WBP1: variants seen among roughly 807,000 people sequenced by gnomAD.
The protein encoded by WBP1 is WW domain-binding protein 1.
In WBP1, 18 loss-of-function variants were observed where a neutral mutation model predicts 25.6. The ratio of observed to expected loss-of-function variants is 0.70; its 90% CI spans 0.49 to 1.04. WBP1 has a LOEUF of 1.04. WBP1 is among the 50% of genes least tolerant of loss of function. The pLI, the probability that WBP1 is intolerant of heterozygous loss-of-function variation, is 0.00. For missense variants in WBP1, 330 were observed against 352.9 expected, an observed-to-expected ratio of 0.94 and a Z score of 0.52; for synonymous variants, 122 against 137.7, an observed-to-expected ratio of 0.89 and a Z score of 0.80.
rs1366348102 is a variant in WBP1, at chr2:74,460,293, A to T, written c.422A>T (p.Tyr141Phe). ...VHRPGTPPPP[Y>F]TVAPGRPLTA... ...CGCCCAGGCACACCACCCCCCCCTT[A>T]TACTGTGGCCCCAGGCCGCCCCTTG... Residue 141 changes from tyrosine (Y) to phenylalanine (F), a missense_variant, in exon 4 of 4, where the codon TAT becomes TTT. By Grantham distance (22) the Tyr-to-Phe change is conservative. Transcript: ENST00000233615. 6.2e-7 allele frequency: 1 copy of T among 1,608,364 alleles called. No homozygotes were observed. Among genetic ancestry groups the T allele is most frequent in the Admixed American group, 1.7e-5 (1 of 59,750 alleles).
At chr2:74,460,142 A>C in intron 3 of WBP1, 79 bp from the exon 4 acceptor site, 1 of 1,575,930 alleles carries the variant, frequency 6.3e-7, no homozygotes, top group South Asian at 1.1e-5. Flanking sequence ...CACATTTCAA[A>C]GTATTTTTCC....
At chr2:74,459,621 C>A (rs201613495) in intron 1 of WBP1, 22 bp from the exon 2 acceptor site, 1 of 1,612,138 alleles carries the variant, frequency 6.2e-7, no homozygotes, top group East Asian at 2.2e-5. Context: ...CCCCTTAGTT[C>A]TAAGTGCCTC....
rs61733470 is a variant in WBP1 at position 74,460,654 on chromosome 2, G to A, written c.783G>A (p.Leu261=). The change falls in exon 4 of 4, where the codon CTG becomes CTA. Residue 261 remains leucine, a synonymous_variant. Coordinates refer to ENST00000233615, the MANE Select transcript of WBP1 (RefSeq NM_012477.4). ...TACCGCAGATCTTTCCCATGGGGCT[G>A]TCTTCCAGTGAAGGGGACATCCCAT... ...ESVPQIFPMG[L]SSSEGDIP The A allele has an allele frequency of 0.051, 80,769 of 1,581,134 alleles. 2,401 individuals are homozygous for A. Among genetic ancestry groups the A allele is most frequent in the South Asian group, 0.078 (6,813 of 86,894 alleles).
At chr2:74,459,207 G>T (rs754861022) in intron 1 of WBP1, 3 of 1,427,680 alleles carry the variant, frequency 2.1e-6, no homozygotes, top group Non-Finnish European at 2.8e-6. Flanking sequence ...AACCGCGCAG[G>T]ATAATGAAAG....
At position 74,458,680 on chromosome 2, in the gene WBP1, A is replaced by G. The variant is rs763715949; in HGVS notation, c.69+9A>G. ...GGGCGCCGCAACAGCAGGTATCCCAATAGCTCCAAAACCTATCACGACAGC... is the reference window on the plus strand; with the variant it reads ...GGGCGCCGCAACAGCAGGTATCCCAGTAGCTCCAAAACCTATCACGACAGC... On this transcript the variant is annotated intron_variant, in intron 1 of 3. Coordinates refer to ENST00000233615, the MANE Select transcript of WBP1 (RefSeq NM_012477.4). 2.0e-5 allele frequency: 32 copies of G among 1,571,654 alleles called. No individual in the cohort carries two copies. In the South Asian group the frequency reaches 2.6e-4, roughly 13 times the overall value.
chr2:74,458,767 G>A (rs983967193), intron 1 of WBP1, 96 bp downstream of exon 1: 2 of 1,520,088 alleles, frequency 1.3e-6, no homozygotes, highest in Admixed American at 2.0e-5. Context: ...AACTCACGGA[G>A]CCAAAGGTAC....
Position 74,460,272 on chromosome 2 carries a change from C to A in WBP1, c.401C>A (p.Pro134Gln), listed in dbSNP as rs1451494095. The change falls in exon 4 of 4, where the codon CCA becomes CAA. Residue 134 changes from proline (P) to glutamine (Q), a missense_variant. Physicochemically the swap from Pro to Gln is moderately conservative, Grantham distance 76 (BLOSUM62 -1). Coordinates refer to ENST00000233615, the MANE Select transcript of WBP1 (RefSeq NM_012477.4). ...PPAYEDVVHRPGTPPPPYTVA... is the reference protein window; with the variant it reads ...PPAYEDVVHRQGTPPPPYTVA... ...GCCTACGAGGATGTGGTTCACCGCC[C>A]AGGCACACCACCCCCCCCTTATACT... The A allele has an allele frequency of 6.2e-7, 1 of 1,613,960 alleles. No homozygotes were observed. Among genetic ancestry groups the A allele is most frequent in the East Asian group, 2.2e-5 (1 of 44,884 alleles).
At chr2:74,458,742 T>G in intron 1 of WBP1, 71 bp downstream of exon 1, 3 of 1,525,336 alleles carry the variant, frequency 2.0e-6, no homozygotes, top group African/African-American at 1.4e-5. Flanking sequence ...CCCTTCCTTT[T>G]GGGGGTGGGG....
rs1228774474 is a variant in WBP1, at chr2:74,460,636, G to C, written c.765G>C (p.Gln255His). ...PCALPPESVP[Q>H]IFPMGLSSSE... ...CACTACCCCCAGAGTCTGTACCGCA[G>C]ATCTTTCCCATGGGGCTGTCTTCCA... is the stretch of plus-strand genomic sequence containing the variant. Residue 255 changes from glutamine (Q) to histidine (H), a missense_variant, in exon 4 of 4, where the codon CAG becomes CAC. By Grantham distance (24) the Gln-to-His change is conservative. Transcript: ENST00000233615. 7 of 1,597,164 alleles carry C rather than the reference G, an allele frequency of 4.4e-6. No homozygotes were observed. The highest frequency in any genetic ancestry group is 2.2e-5 in the East Asian group (1 of 44,650).
chr2:74,458,607 C>T lies in WBP1; in HGVS notation c.5C>T (p.Ala2Val), dbSNP rs1272228282. ...CAGGGGGCTGTAGGTGGAGGTATGG[C>T]TCGGGCCAGCAGCGGGAACGGCAGC... M[A>V]RASSGNGSEE... Residue 2 changes from alanine (A) to valine (V), a missense_variant, in exon 1 of 4, where the codon GCT becomes GTT. Coordinates refer to ENST00000233615, the MANE Select transcript of WBP1 (RefSeq NM_012477.4). 1.3e-6 allele frequency: 2 copies of T among 1,558,730 alleles called. No individual in the cohort carries two copies. The highest frequency in any genetic ancestry group is 1.7e-6 in the Non-Finnish European group (2 of 1,150,358).
Position 74,460,483 on chromosome 2 carries a change from C to A in WBP1, c.612C>A (p.Arg204=). ...VTPASTPPSC[R]YRRLTGDSGI... is the part of the protein sequence containing the mutation. ...CTGCCTCCACACCCCCCTCCTGCCG[C>A]TATCGCCGTTTAACTGGCGACTCCG... Residue 204 remains arginine, a synonymous_variant, in exon 4 of 4, where the codon CGC becomes CGA. Transcript: ENST00000233615. The A allele has an allele frequency of 1.2e-6, 2 of 1,613,624 alleles. No homozygotes were observed. Among genetic ancestry groups the A allele is most frequent in the South Asian group, 1.1e-5 (1 of 91,062 alleles).
chr2:74,459,919 C>G lies in WBP1; in HGVS notation c.219C>G (p.Cys73Trp), dbSNP rs7420093. ...TCCTCATCCTCTTTAGCTGCTGTTGCGCCTTCCGCCACCGACGAGCTAAAC... is the reference window on the plus strand; with the variant it reads ...TCCTCATCCTCTTTAGCTGCTGTTGGGCCTTCCGCCACCGACGAGCTAAAC... The part of the protein sequence containing the change: ...WTVLILFSCC[C>W]AFRHRRAKLR... Residue 73 changes from cysteine (C) to tryptophan (W), a missense_variant, in exon 3 of 4, where the codon TGC (cysteine) becomes TGG (tryptophan). Physicochemically the swap from Cys to Trp is radical, Grantham distance 215 (BLOSUM62 -2). Coordinates refer to ENST00000233615, the MANE Select transcript of WBP1 (RefSeq NM_012477.4). The G allele has an allele frequency of 6.2e-7, 1 of 1,614,164 alleles. No individual in the cohort carries two copies. Among genetic ancestry groups the G allele is most frequent in the Non-Finnish European group, 8.5e-7 (1 of 1,180,026 alleles).
intron 1 of WBP1, chr2:74,459,378 C>T (rs1671820410): frequency 1.3e-5 from 8 of 634,388 alleles, no homozygotes; most frequent in Middle Eastern, 5.1e-4. Context: ...AAGGAAGTCT[C>T]ATATATGCAG....
At position 74,460,334 on chromosome 2, in the gene WBP1, C is replaced by A. The variant is rs1220768826; in HGVS notation, c.463C>A (p.Gln155Lys). ...PGRPLTASSE[Q>K]TCCSSSSSCP... ...CCGCCCCTTGACTGCTTCCAGTGAA[C>A]AAACCTGCTGTTCCTCCTCATCCAG... The change falls in exon 4 of 4, where the codon CAA (glutamine) becomes AAA (lysine). Residue 155 changes from glutamine to lysine, a missense_variant. Gln to Lys is a moderately conservative substitution (Grantham distance 53). Transcript: ENST00000233615. 4 of 1,613,808 alleles carry A rather than the reference C, an allele frequency of 2.5e-6. No individual in the cohort carries two copies. Among genetic ancestry groups the A allele is most frequent in the African/African-American group, 1.3e-5 (1 of 74,792 alleles).
intron 3 of WBP1, 31 bp from the exon 4 acceptor site, chr2:74,460,190 C>A: frequency 6.3e-7 from 1 of 1,590,152 alleles, no homozygotes; most frequent in Non-Finnish European, 8.6e-7. Context: ...TGGTTGTCTT[C>A]AACCAATCAT....
At chr2:74,458,838 C>G in intron 1 of WBP1, 167 bp downstream of exon 1, 1 of 1,540,116 alleles carries the variant, frequency 6.5e-7, no homozygotes, top group South Asian at 1.2e-5. Context: ...GTAGATGCAG[C>G]TGACTTTGCC....
intron 1 of WBP1, chr2:74,459,110 T>G: frequency 6.5e-7 from 1 of 1,544,082 alleles, no homozygotes; most frequent in Non-Finnish European, 8.7e-7. Flanking sequence ...TTGGGAGCAC[T>G]GCTCTGGGTC....
rs1016278242 is a variant in WBP1, at chr2:74,458,449, A to G, written c.-154A>G. The G allele has an allele frequency of 2.1e-6, 3 of 1,446,862 alleles. No individual in the cohort carries two copies. In the African/African-American group the frequency reaches 4.3e-5, roughly 21 times the overall value. The allele number at this position is 1,446,862 out of a possible 1,614,324, so 89.6% of individuals were successfully genotyped here. A position where few individuals can be genotyped will look rare whatever the true frequency, so the allele number is the denominator to read the frequency against. On this transcript the variant is annotated 5_prime_UTR_variant, in exon 1 of 4. Transcript: ENST00000233615. ...GAGCAATCTGAGTCCTAGTTGGTGG[A>G]GTTCTGCCCGGATGGAAGCTCCGGC...
chr2:74,458,511 G>T lies in WBP1; in HGVS notation c.-92G>T. On this transcript the variant is annotated 5_prime_UTR_variant, in exon 1 of 4. Coordinates refer to ENST00000233615, the MANE Select transcript of WBP1 (RefSeq NM_012477.4). The stretch of plus-strand genomic sequence containing the variant: ...GGTGGCCTCAGCGAAGATGGGCCGG[G>T]CAGGGACCATGGCGGTGGCAGCAGA... The T allele has an allele frequency of 2.7e-6, 4 of 1,509,090 alleles. No individual in the cohort carries two copies. The South Asian group carries it at 5.1e-5, about 19-fold the overall frequency. The allele number at this position is 1,509,090 out of a possible 1,614,324, so 93.5% of individuals were successfully genotyped here.
Sources: gnomAD v4.1 joint callset for allele counts on GRCh38, gnomAD v4.1.1 for gene constraint, MANE v1.5 for transcripts, NCBI Gene and HGNC (gene_info 2026-07-23, HGNC 2026-07-21) for gene names.